Variants in PKN2 observed in about 807,000 individuals in gnomAD.
PKN2 encodes serine/threonine-protein kinase N2.
In PKN2, 38 loss-of-function variants were observed where a neutral mutation model predicts 119.1. That is an observed-to-expected ratio of 0.32 (90% confidence interval 0.25 to 0.42). PKN2 has a LOEUF of 0.42. Ranked by LOEUF, PKN2 falls within the 10% of genes least tolerant of loss-of-function variation. The probability of loss-of-function intolerance (pLI) is 1.00; values close to 1 mark genes in which losing one functional copy is unlikely to be tolerated. For synonymous variants in PKN2, 390 were observed against 384.9 expected (o/e 1.01, Z -0.15); for missense variants, 850 against 1,165.1 (o/e 0.73, Z 3.94).
chr1:88,728,533 T>A (rs970523811), intron 1 of PKN2, among the ~76,000 whole-genome samples: 1 of 152,190 alleles, frequency 6.6e-6, no homozygotes, highest in Non-Finnish European at 1.5e-5. Flanking sequence ...TTTGTTTTTT[T>A]AATGGACTTT....
intron 8 of PKN2, among the ~76,000 whole-genome samples, chr1:88,795,341 C>A (rs916223751): frequency 6.6e-6 from 1 of 152,150 alleles, no homozygotes; most frequent in Non-Finnish European, 1.5e-5. Flanking sequence ...TTTTTAACCA[C>A]TTCTTTCTTC....
In PKN2 at chr1:88,684,623, C is replaced by T. The variant is rs1282641678; in HGVS notation, c.43C>T (p.Leu15=). The change falls in exon 1 of 22, where the codon CTG becomes TTG. Residue 15 remains leucine, a synonymous_variant. Transcript: ENST00000370521. ...ACGGGGGGAGATTCTGCTCACGGAACTGCAGGTAAGGGCCGCGGCCCTGGT... is the reference window on the plus strand; with the variant it reads ...ACGGGGGGAGATTCTGCTCACGGAATTGCAGGTAAGGGCCGCGGCCCTGGT... ...PERGEILLTE[L]QGDSRSLPFS... 6.4e-7 allele frequency: 1 copy of T among 1,562,532 alleles called. No homozygotes were observed.
chr1:88,807,181 G>T (rs2100880075), intron 12 of PKN2, 132 bp from the exon 13 acceptor site: 2 of 702,838 alleles, frequency 2.8e-6, no homozygotes, highest in East Asian at 5.9e-5. Context: ...TTTAAAGAAT[G>T]AGTATCTGAA....
chr1:88,808,366 T>C (rs1231368624), intron 15 of PKN2, among the ~76,000 whole-genome samples: 2 of 152,066 alleles, frequency 1.3e-5, no homozygotes, highest in African/African-American at 4.8e-5. Flanking sequence ...AGTGCAGTGG[T>C]GCCATCTCGG....
chr1:88,751,012 T>C (rs1218586316), intron 2 of PKN2, among the ~76,000 whole-genome samples: 1 of 152,200 alleles, frequency 6.6e-6, no homozygotes, highest in African/African-American at 2.4e-5. Context: ...TCAATGGATC[T>C]TCATTTGCTA....
chr1:88,734,478 G>C (rs1668262964), intron 1 of PKN2, among the ~76,000 whole-genome samples: 1 of 152,084 alleles, frequency 6.6e-6, no homozygotes, highest in Non-Finnish European at 1.5e-5. Flanking sequence ...GAGTGTACTT[G>C]GCCCCTTTGT....
rs760410908 is a variant in PKN2, at chr1:88,833,625, C to T, written c.*177C>T. On this transcript the variant is annotated 3_prime_UTR_variant, in exon 22 of 22. Transcript: ENST00000370521. ...TCTAATACTTCTTCAAAAGTGGCTCCTCATTGTACTTCAGCGTAAATATGA... is the reference window on the plus strand; with the variant it reads ...TCTAATACTTCTTCAAAAGTGGCTCTTCATTGTACTTCAGCGTAAATATGA... 1.2e-4 allele frequency: 68 copies of T among 583,582 alleles called. 1 individual carries two copies. Among genetic ancestry groups the T allele is most frequent in the Non-Finnish European group, 1.9e-4 (64 of 330,870 alleles). 36.2% of individuals were successfully genotyped at this position (583,582 alleles called of 1,614,324 possible).
Position 88,740,969 on chromosome 1 carries a change from A to G in PKN2, c.49-19A>G, listed in dbSNP as rs749690285. ...AACTCTCCTAAACTCCCACATTTGTATGTTTATTTTTTCTGTAGGGGGATT... is the reference window on the plus strand; with the variant it reads ...AACTCTCCTAAACTCCCACATTTGTGTGTTTATTTTTTCTGTAGGGGGATT... On this transcript the variant is annotated intron_variant, in intron 1 of 21. Coordinates refer to ENST00000370521, the MANE Select transcript of PKN2 (RefSeq NM_006256.4). 6.6e-7 allele frequency: 1 copy of G among 1,522,736 alleles called. No homozygotes were observed. The highest frequency in any genetic ancestry group is 1.4e-5 in the African/African-American group (1 of 71,712). The allele number at this position is 1,522,736 out of a possible 1,614,324, so 94.3% of individuals were successfully genotyped here. A position where few individuals can be genotyped will look rare whatever the true frequency, so the allele number is the denominator to read the frequency against.
chr1:88,708,232 T>C (rs1156464910), intron 1 of PKN2, among the ~76,000 whole-genome samples: 1 of 152,058 alleles, frequency 6.6e-6, no homozygotes, highest in Non-Finnish European at 1.5e-5. Context: ...CTGTAGATCT[T>C]GTATTGTGTG....
chr1:88,764,670 AT>A lies in PKN2; in HGVS notation c.504+4295del, dbSNP rs200996236. Reference sequence around the variant, plus strand: ...TTCTTATTTCATACCTGTGTGTACTATAATTATTTTCATATTATCCCTTTTA... The same window carrying A: ...TTCTTATTTCATACCTGTGTGTACTAAATTATTTTCATATTATCCCTTTTA... On this transcript the variant is annotated intron_variant, in intron 3 of 21. Coordinates refer to ENST00000370521, the MANE Select transcript of PKN2 (RefSeq NM_006256.4). Among the ~76,000 whole-genome samples, 373 of 152,310 alleles carry A rather than the reference AT, an allele frequency of 2.4e-3. 1 individual carries two copies. Among genetic ancestry groups the A allele is most frequent in the African/African-American group, 8.7e-3 (361 of 41,572 alleles).
At chr1:88,765,092 AC>A (rs376122139) in intron 3 of PKN2, among the ~76,000 whole-genome samples, 19 of 146,610 alleles carry the variant, frequency 1.3e-4, no homozygotes, top group African/African-American at 5.2e-4. Context: ...ATGCCTGGCT[AC>A]TTTTTTTGTA....
intron 6 of PKN2, among the ~76,000 whole-genome samples, chr1:88,776,213 A>ACCCCCCCCCC (rs1670097501): frequency 5.0e-5 from 1 of 19,830 alleles, no homozygotes; most frequent in African/African-American, 1.9e-4. Flanking sequence ...CCCTCCCCCT[A>ACCCCCCCCCC]CCCCCTCCCC....
rs114235755 is a variant in PKN2 at position 88,829,418 on chromosome 1, A to T, written c.2562+795A>T. On this transcript the variant is annotated intron_variant, in intron 19 of 21. Coordinates refer to ENST00000370521, the MANE Select transcript of PKN2 (RefSeq NM_006256.4). The stretch of plus-strand genomic sequence containing the variant: ...ATGGCTGTGAACTTCCTAGATTGTT[A>T]AATAAAATATAATTTTAAAAAAATG... 655 of 246,140 alleles carry T rather than the reference A, an allele frequency of 2.7e-3. 6 individuals carry two copies. The highest frequency in any genetic ancestry group is 0.013 in the African/African-American group (594 of 44,588). 15.2% of individuals were successfully genotyped at this position (246,140 alleles called of 1,614,324 possible).
intron 18 of PKN2, among the ~76,000 whole-genome samples, chr1:88,828,191 A>G (rs1008241555): frequency 3.9e-5 from 6 of 152,198 alleles, no homozygotes; most frequent in African/African-American, 1.4e-4. Context: ...CAATCAGTTC[A>G]TTTTGTTATA....
chr1:88,777,055 G>T (rs1250563959), intron 6 of PKN2, among the ~76,000 whole-genome samples: 1 of 151,936 alleles, frequency 6.6e-6, no homozygotes, highest in Non-Finnish European at 1.5e-5. Context: ...ACATTGGTGT[G>T]CTTTATGGTA....
intron 8 of PKN2, among the ~76,000 whole-genome samples, chr1:88,790,529 CTG>C (rs1457709057): frequency 2.0e-5 from 3 of 152,126 alleles, no homozygotes; most frequent in African/African-American, 7.2e-5. Flanking sequence ...GTCGAGAATT[CTG>C]TGTCTCCCTT....
At chr1:88,738,498 A>T (rs746667157) in intron 1 of PKN2, among the ~76,000 whole-genome samples, 4 of 152,226 alleles carry the variant, frequency 2.6e-5, no homozygotes, top group Non-Finnish European at 5.9e-5. Context: ...GAGCCAAGAG[A>T]GATGATTTCT....
At chr1:88,738,059 C>A (rs1379296792) in intron 1 of PKN2, among the ~76,000 whole-genome samples, 1 of 152,146 alleles carries the variant, frequency 6.6e-6, no homozygotes, top group Non-Finnish European at 1.5e-5. Context: ...TCTGCCTCTT[C>A]TCCAAATTCT....
intron 6 of PKN2, among the ~76,000 whole-genome samples, chr1:88,780,640 C>G (rs1030446354): frequency 5.3e-5 from 8 of 152,130 alleles, no homozygotes; most frequent in African/African-American, 1.9e-4. Context: ...TAGCCTCCAG[C>G]ACAGGATATT....
Sources: allele counts gnomAD v4.1 joint callset (sites outside exome capture counted in the v4.1 genomes callset), GRCh38; gene constraint gnomAD v4.1.1; transcripts MANE v1.5; gene names NCBI Gene and HGNC (gene_info 2026-07-23, HGNC 2026-07-21).